The following RANBP2 variants were observed in gnomAD, a reference collection of about 807,000 sequenced individuals.
The protein encoded by RANBP2 is RAN binding protein 2.
In RANBP2, 57 loss-of-function variants were observed where a neutral mutation model predicts 303.6. The observed-to-expected ratio is 0.19, with a 90% CI of 0.15 to 0.23. The LOEUF (loss-of-function observed/expected upper bound fraction) is 0.23, where lower values mean the gene tolerates loss of function less well. Among genes scored for constraint, RANBP2 ranks in the 10% least tolerant of loss-of-function variants. The pLI, the probability that RANBP2 is intolerant of heterozygous loss-of-function variation, is 1.00. For synonymous variants in RANBP2, 1,167 were observed against 1,301.5 expected (o/e 0.90, Z 2.23); for missense variants, 3,138 against 3,780.8 (o/e 0.83, Z 4.46).
At chr2:108,845,304 G>A in the RANBP2 span, among the ~76,000 whole-genome samples, 2 of 151,944 alleles carry the variant, frequency 1.3e-5, no homozygotes, top group East Asian at 3.9e-4. Context: ...CAACCATTTG[G>A]CCTTTGTCAC....
At chr2:109,376,180 C>T in the RANBP2 span, among the ~76,000 whole-genome samples, 4 of 152,394 alleles carry the variant, frequency 2.6e-5, no homozygotes, top group Admixed American at 2.6e-4. Context: ...CTGTGTCATT[C>T]CTGAGCACTG....
the RANBP2 span, among the ~76,000 whole-genome samples, chr2:109,453,545 C>T: frequency 6.6e-6 from 1 of 152,160 alleles, no homozygotes; most frequent in Non-Finnish European, 1.5e-5. Flanking sequence ...GTGCAATGGG[C>T]TGCGTGCAGT....
chr2:108,758,689 G>A (rs1676507911), intron 18 of RANBP2, 141 bp downstream of exon 18: 1 of 1,472,094 alleles, frequency 6.8e-7, no homozygotes, highest in African/African-American at 1.5e-5. Context: ...GACTTCAAAA[G>A]CTGTATTTGG....
chr2:109,563,678 A>T, the RANBP2 span, among the ~76,000 whole-genome samples: 1 of 152,228 alleles, frequency 6.6e-6, no homozygotes, highest in Non-Finnish European at 1.5e-5. Flanking sequence ...AAATTCTTAT[A>T]ACTACACTGT....
At chr2:109,412,403 TGCTGGTTTGGGACAGCTTG>T in the RANBP2 span, among the ~76,000 whole-genome samples, 1 of 152,378 alleles carries the variant, frequency 6.6e-6, no homozygotes, top group East Asian at 1.9e-4. Flanking sequence ...GCTTGTGCTA[TGCTGGTTTGGGACAGCTTG>T]GCTGTTTCTG....
At chr2:109,712,235 A>G in the RANBP2 span, among the ~76,000 whole-genome samples, 7 of 152,008 alleles carry the variant, frequency 4.6e-5, no homozygotes, top group Admixed American at 1.3e-4. Context: ...CCTGGAATGG[A>G]GAGAACCAGG....
At chr2:109,344,899 C>A in the RANBP2 span, among the ~76,000 whole-genome samples, 2 of 152,132 alleles carry the variant, frequency 1.3e-5, no homozygotes, top group African/African-American at 2.4e-5. Flanking sequence ...CACATCAAGT[C>A]CCATGATCAG....
chr2:109,068,096 C>A, the RANBP2 span, among the ~76,000 whole-genome samples: 1 of 152,350 alleles, frequency 6.6e-6, no homozygotes, highest in Admixed American at 6.5e-5. Flanking sequence ...CTGCTGCCAC[C>A]CACACCACCC....
At chr2:109,446,848 A>T in the RANBP2 span, among the ~76,000 whole-genome samples, 1 of 152,164 alleles carries the variant, frequency 6.6e-6, no homozygotes, top group Non-Finnish European at 1.5e-5. Flanking sequence ...CCAGCCACGC[A>T]CAGCCCAGGG....
the RANBP2 span, among the ~76,000 whole-genome samples, chr2:109,654,955 C>T: frequency 6.6e-5 from 10 of 150,710 alleles, no homozygotes; most frequent in Admixed American, 3.3e-4. Flanking sequence ...CAGGCTAGAG[C>T]GCAGTGGCGT....
At chr2:109,609,340 AT>A in the RANBP2 span, among the ~76,000 whole-genome samples, 3 of 79,126 alleles carry the variant, frequency 3.8e-5, no homozygotes. Flanking sequence ...GATACAAAGA[AT>A]AATACAGGTT....
the RANBP2 span, among the ~76,000 whole-genome samples, chr2:109,365,500 T>C: frequency 6.6e-6 from 1 of 152,186 alleles, no homozygotes; most frequent in African/African-American, 2.4e-5. Context: ...GAGTTGCTTT[T>C]TCAGTTTGTT....
the RANBP2 span, among the ~76,000 whole-genome samples, chr2:109,486,104 AACCTTTCTTC>A: frequency 9.0e-4 from 137 of 152,216 alleles, no homozygotes; most frequent in African/African-American, 3.3e-3. Flanking sequence ...AACCCTCAAT[AACCTTTCTTC>A]ACCTTCCCAA....
the RANBP2 span, among the ~76,000 whole-genome samples, chr2:109,298,650 T>TA: frequency 6.6e-6 from 1 of 152,102 alleles, no homozygotes; most frequent in African/African-American, 2.4e-5. Context: ...GCACACCCGT[T>TA]CCGTGCTCCC....
the RANBP2 span, chr2:109,141,587 C>T: frequency 6.5e-6 from 1 of 154,924 alleles, no homozygotes; most frequent in Admixed American, 6.5e-5. Context: ...CAACCCACTG[C>T]ACTTTTCTCT....
chr2:109,623,927 G>A, the RANBP2 span, among the ~76,000 whole-genome samples: 23 of 152,194 alleles, frequency 1.5e-4, no homozygotes, highest in Admixed American at 1.4e-3. Context: ...GTGCTCAAGA[G>A]AGTTTTTGGC....
chr2:109,438,832 C>G, the RANBP2 span, among the ~76,000 whole-genome samples: 2 of 152,220 alleles, frequency 1.3e-5, no homozygotes, highest in African/African-American at 4.8e-5. Context: ...TGTTTGGCCA[C>G]TGGAGCACCC....
In RANBP2 at chr2:108,781,436, G is replaced by A; in HGVS notation, c.8760+7G>A. 6.2e-7 allele frequency: 1 copy of A among 1,613,592 alleles called. No homozygotes were observed. Among genetic ancestry groups the A allele is most frequent in the Non-Finnish European group, 8.5e-7 (1 of 1,179,572 alleles). ...AATAGTGTCACTACCAGAGGTAAAT[G>A]TTAAGGAATTAACCTTTTACTAATA... On this transcript the variant is annotated splice_region_variant and intron_variant, in intron 26 of 28. Transcript: ENST00000283195.
intron 1 of RANBP2, among the ~76,000 whole-genome samples, chr2:108,726,913 G>A (rs1298938578): frequency 2.0e-5 from 3 of 152,138 alleles, no homozygotes; most frequent in Non-Finnish European, 4.4e-5. Context: ...AACCCTGGGT[G>A]GACACAGCAC....
Sources: gnomAD v4.1 joint callset for allele counts (sites outside exome capture counted in the v4.1 genomes callset) on GRCh38, gnomAD v4.1.1 for gene constraint, MANE v1.5 for transcripts, NCBI Gene and HGNC (gene_info 2026-07-23, HGNC 2026-07-21) for gene names.